MECOM: variants seen among roughly 807,000 people sequenced by gnomAD.
MECOM encodes histone-lysine N-methyltransferase MECOM.
In MECOM, 13 loss-of-function variants were observed where a neutral mutation model predicts 116.3. That is an observed-to-expected ratio of 0.11 (90% CI 0.07 to 0.18). MECOM has a LOEUF of 0.18. Ranked by LOEUF, MECOM falls within the 10% of genes least tolerant of loss-of-function variation. MECOM has a pLI of 1.00. For synonymous variants in MECOM, 528 were observed against 535.2 expected, an observed-to-expected ratio of 0.99 and a Z score of 0.19; for missense variants, 1,299 against 1,509.0, an observed-to-expected ratio of 0.86 and a Z score of 2.31.
chr3:169,176,153 A>C (rs1745133702), intron 2 of MECOM, among the ~76,000 whole-genome samples: 1 of 152,014 alleles, frequency 6.6e-6, no homozygotes, highest in South Asian at 2.1e-4. Context: ...CAAAAAAAAA[A>C]AACCCCTCAT....
At chr3:169,195,859 C>A (rs1239169764) in intron 2 of MECOM, among the ~76,000 whole-genome samples, 2 of 152,034 alleles carry the variant, frequency 1.3e-5, no homozygotes, top group African/African-American at 4.8e-5. Context: ...CAGATTTGAT[C>A]ACATAAATAC....
intron 2 of MECOM, among the ~76,000 whole-genome samples, chr3:169,221,575 A>C (rs1752136318): frequency 6.6e-6 from 1 of 151,842 alleles, no homozygotes. Context: ...GTTAAAAAAA[A>C]AAAAAAAAGC....
chr3:169,659,088 A>AAGAAAAG (rs1236800515), intron 1 of MECOM, among the ~76,000 whole-genome samples: 1 of 150,962 alleles, frequency 6.6e-6, no homozygotes, highest in African/African-American at 2.5e-5. Flanking sequence ...AAAAAAAAAA[A>AAGAAAAG]AAAGAAAGAG....
chr3:169,524,580 G>T (rs769775756), intron 1 of MECOM, among the ~76,000 whole-genome samples: 4 of 152,144 alleles, frequency 2.6e-5, no homozygotes, highest in Non-Finnish European at 5.9e-5. Flanking sequence ...AGCATGTTTG[G>T]ATTTGACATT....
intron 1 of MECOM, among the ~76,000 whole-genome samples, chr3:169,564,064 AAGAC>A (rs1762950801): frequency 6.6e-6 from 1 of 152,242 alleles, no homozygotes; most frequent in Admixed American, 6.5e-5. Context: ...TTTTATAAGA[AAGAC>A]AGATCTTTTC....
intron 1 of MECOM, among the ~76,000 whole-genome samples, chr3:169,626,721 C>A (rs1307996762): frequency 1.3e-5 from 2 of 152,180 alleles, no homozygotes; most frequent in Middle Eastern, 3.2e-3. Context: ...AGTGTTTCAT[C>A]CTTTACTTGA....
chr3:169,367,703 G>A (rs1729418182), intron 2 of MECOM, among the ~76,000 whole-genome samples: 2 of 152,028 alleles, frequency 1.3e-5, no homozygotes, highest in Non-Finnish European at 2.9e-5. Flanking sequence ...TGGAATAAAA[G>A]TCGGGTCTGA....
intron 2 of MECOM, among the ~76,000 whole-genome samples, chr3:169,263,456 C>T (rs976081389): frequency 3.3e-5 from 5 of 150,962 alleles, no homozygotes; most frequent in Admixed American, 6.6e-5. Flanking sequence ...GTCCTGCCAC[C>T]GAATATTGAC....
At chr3:169,381,623 C>T in intron 1 of MECOM, 99 bp from the exon 2 acceptor site, 1 of 872,374 alleles carries the variant, frequency 1.1e-6, no homozygotes, top group East Asian at 2.7e-5. Flanking sequence ...GAAGGATAAA[C>T]AGGAAAGACC....
chr3:169,652,662 C>G (rs1265309962), intron 1 of MECOM, among the ~76,000 whole-genome samples: 1 of 152,108 alleles, frequency 6.6e-6, no homozygotes, highest in East Asian at 1.9e-4. Context: ...ATTAAGGGAA[C>G]AGAGTTGAGT....
chr3:169,545,056 A>G (rs544901097), intron 1 of MECOM, among the ~76,000 whole-genome samples: 1 of 152,282 alleles, frequency 6.6e-6, no homozygotes, highest in African/African-American at 2.4e-5. Flanking sequence ...AATTTTTTTA[A>G]TTAAAAAAAA....
chr3:169,264,794 A>G (rs1425762404), intron 2 of MECOM, among the ~76,000 whole-genome samples: 3 of 152,236 alleles, frequency 2.0e-5, no homozygotes, highest in Admixed American at 6.5e-5. Flanking sequence ...CTAAAGAGTA[A>G]GCATTAATTA....
At chr3:169,417,767 AC>A (rs1273910785) in intron 1 of MECOM, among the ~76,000 whole-genome samples, 1 of 152,146 alleles carries the variant, frequency 6.6e-6, no homozygotes, top group Non-Finnish European at 1.5e-5. Flanking sequence ...ACCATGGAAT[AC>A]TATGCAGCCA....
At chr3:169,099,217 T>C (rs566377506) in intron 12 of MECOM, among the ~76,000 whole-genome samples, 1 of 151,526 alleles carries the variant, frequency 6.6e-6, no homozygotes, top group Admixed American at 6.6e-5. Context: ...ATATGCACAA[T>C]AATAGAGCCA....
intron 1 of MECOM, among the ~76,000 whole-genome samples, chr3:169,503,249 C>A (rs1286293422): frequency 1.3e-5 from 2 of 152,124 alleles, no homozygotes; most frequent in African/African-American, 2.4e-5. Context: ...CTCAGAAACA[C>A]TAAAGAGAGA....
At chr3:169,146,506 T>A in intron 2 of MECOM, 1 of 1,380,314 alleles carries the variant, frequency 7.2e-7, no homozygotes, top group Non-Finnish European at 9.6e-7. Flanking sequence ...CCCGGAGACG[T>A]GTCCAGACCG....
chr3:169,492,782 C>T (rs1255592881), intron 1 of MECOM, among the ~76,000 whole-genome samples: 2 of 152,048 alleles, frequency 1.3e-5, no homozygotes, highest in East Asian at 1.9e-4. Context: ...GCCAACATGG[C>T]TAAACCCCCT....
At chr3:169,471,018 C>T (rs181951967) in intron 1 of MECOM, among the ~76,000 whole-genome samples, 842 of 152,180 alleles carry the variant, frequency 5.5e-3, no homozygotes, top group Non-Finnish European at 9.8e-3. Flanking sequence ...GTGGTGTGAC[C>T]TTGCCTCACT....
chr3:169,589,772 T>A (rs1469249128), intron 1 of MECOM, among the ~76,000 whole-genome samples: 2 of 152,124 alleles, frequency 1.3e-5, no homozygotes, highest in Admixed American at 1.3e-4. Flanking sequence ...CCGACTCACA[T>A]AGAAAAATCT....
Sources: gnomAD v4.1 joint callset for allele counts (sites outside exome capture counted in the v4.1 genomes callset) on GRCh38, gnomAD v4.1.1 for gene constraint, MANE v1.5 for transcripts, NCBI Gene and HGNC (gene_info 2026-07-23, HGNC 2026-07-21) for gene names.